HYDIN: variants seen among roughly 807,000 people sequenced by gnomAD.
The protein encoded by HYDIN is HYDIN axonemal central pair apparatus protein, also known as axonemal central pair apparatus protein HYDIN.
In HYDIN, 132 loss-of-function variants were observed where a neutral mutation model predicts 403.9. The ratio of observed to expected loss-of-function variants is 0.33; its 90% confidence interval spans 0.28 to 0.38. HYDIN has a LOEUF of 0.38. Ranked by LOEUF, HYDIN falls within the 10% of genes least tolerant of loss-of-function variation. HYDIN has a pLI of 1.00. For missense variants in HYDIN, 2,827 were observed against 5,009.5 expected (o/e 0.56, Z 13.15); for synonymous variants, 1,202 against 1,891.7 (o/e 0.64, Z 9.46).
chr16:70,883,839 G>A, intron 59 of HYDIN, 81 bp downstream of exon 59: 2 of 1,514,984 alleles, frequency 1.3e-6, no homozygotes, highest in South Asian at 2.4e-5. Context: ...CCAAAGTGCT[G>A]GGATCACAAG....
chr16:70,850,513 T>C lies in HYDIN; in HGVS notation c.12586A>G (p.Lys4196Glu), dbSNP rs374224023. The change falls in exon 74 of 86, where the codon AAG becomes GAG. Residue 4196 changes from lysine to glutamate, a missense_variant. Lys to Glu is a moderately conservative substitution (Grantham distance 56, BLOSUM62 1). Coordinates refer to ENST00000393567, the MANE Select transcript of HYDIN (RefSeq NM_001270974.2). ...GYTMNVEIKCKDRTGSITLLT... is the reference protein window; with the variant it reads ...GYTMNVEIKCEDRTGSITLLT... ...AGAGTGATGGAGCCTGTCCTGTCCTTGCACTTGATCTCCACATTCATAGTG... is the reference window on the plus strand; with the variant it reads ...AGAGTGATGGAGCCTGTCCTGTCCTCGCACTTGATCTCCACATTCATAGTG... 1.5e-4 allele frequency: 247 copies of C among 1,607,562 alleles called. 2 individuals are homozygous for C. In the African/African-American group the frequency reaches 3.0e-3, roughly 20 times the overall value.
intron 6 of HYDIN, among the ~76,000 whole-genome samples, chr16:71,156,965 AT>A (rs2085795601): frequency 6.6e-6 from 1 of 150,586 alleles, no homozygotes; most frequent in African/African-American, 2.5e-5. Context: ...TATTATGCTT[AT>A]TTTATAGCAG....
rs993273554 is a variant in HYDIN at position 71,171,012 on chromosome 16, C to G, written c.516+4595G>C. The stretch of plus-strand genomic sequence containing the variant: ...TTCCATAATAAAAATATTTGAAGTA[C>G]TTTATGGTGGCTTCCTATCCCACTT... On this transcript the variant is annotated intron_variant, in intron 5 of 85. Transcript: ENST00000393567. Among the ~76,000 whole-genome samples, 7 of 152,150 alleles carry G rather than the reference C, an allele frequency of 4.6e-5. 1 individual carries two copies. The highest frequency in any genetic ancestry group is 1.7e-4 in the African/African-American group (7 of 41,428).
In HYDIN at chr16:71,230,686, A is replaced by C. The variant is rs1460166619; in HGVS notation, c.-148T>G. On this transcript the variant is annotated 5_prime_UTR_variant, in exon 1 of 86. The change abolishes an upstream ATG in the 5' untranslated region. Transcript: ENST00000393567. Reference sequence around the variant, plus strand: ...CAGCTTGAAGCCGCCCGCACTCTCCATGCGCCGCCCGAGCTGTTGCCGTCC... The same window carrying C: ...CAGCTTGAAGCCGCCCGCACTCTCCCTGCGCCGCCCGAGCTGTTGCCGTCC... 3 of 1,535,934 alleles carry C rather than the reference A, an allele frequency of 2.0e-6. No homozygotes were observed. Among genetic ancestry groups the C allele is most frequent in the East Asian group, 4.9e-5 (2 of 40,900 alleles).
intron 47 of HYDIN, among the ~76,000 whole-genome samples, chr16:70,909,841 G>C (rs1186513121): frequency 6.6e-6 from 1 of 151,398 alleles, no homozygotes; most frequent in Non-Finnish European, 1.5e-5. Flanking sequence ...GACTACAGGC[G>C]CCTGCCACCA....
intron 18 of HYDIN, among the ~76,000 whole-genome samples, chr16:71,055,993 TCCTCAC>T (rs1450986155): frequency 6.6e-6 from 1 of 152,122 alleles, no homozygotes; most frequent in African/African-American, 2.4e-5. Flanking sequence ...CACTGCTGCA[TCCTCAC>T]CCTTATTTCC....
intron 23 of HYDIN, among the ~76,000 whole-genome samples, chr16:70,997,574 C>T (rs1467115): frequency 2.0e-5 from 3 of 151,944 alleles, no homozygotes; most frequent in Admixed American, 6.6e-5. Flanking sequence ...GGCAGTGAGC[C>T]GTTAACATCT....
In HYDIN at chr16:71,184,972, G is replaced by T. The variant is rs753420772; in HGVS notation, c.154C>A (p.Leu52Met). 2 of 1,607,700 alleles carry T rather than the reference G, an allele frequency of 1.2e-6. No homozygotes were observed. The highest frequency in any genetic ancestry group is 1.7e-6 in the Non-Finnish European group (2 of 1,176,128). The change falls in exon 3 of 86, where the codon CTG becomes ATG. Residue 52 changes from leucine to methionine, a missense_variant. By Grantham distance (15) the Leu-to-Met change is conservative. Coordinates refer to ENST00000393567, the MANE Select transcript of HYDIN (RefSeq NM_001270974.2). ...TCGGTGGTCAGGGACATTTCCTTCA[G>T]GAACTCTGAGGGTGTAAGCTAGAAT... ...VNRMLTPSEF[L>M]KEMSLTTEQR... is the part of the protein sequence containing the mutation.
At chr16:70,909,683 C>T (rs1260566533) in intron 47 of HYDIN, among the ~76,000 whole-genome samples, 1 of 130,476 alleles carries the variant, frequency 7.7e-6, no homozygotes, top group African/African-American at 2.8e-5. Context: ...TTGTCTCAGG[C>T]ATGTCTTTTT....
chr16:70,917,278 T>C (rs1203903916), intron 47 of HYDIN, among the ~76,000 whole-genome samples: 1 of 152,284 alleles, frequency 6.6e-6, no homozygotes, highest in Admixed American at 6.5e-5. Flanking sequence ...TCTTTTCAAT[T>C]TGAAATGTCA....
intron 8 of HYDIN, among the ~76,000 whole-genome samples, chr16:71,134,265 C>T (rs2084825841): frequency 6.6e-6 from 1 of 151,444 alleles, no homozygotes; most frequent in African/African-American, 2.5e-5. Context: ...ATGAATGCCA[C>T]AGGACATGCT....
chr16:70,807,944 C>T lies in HYDIN; in HGVS notation c.15002G>A (p.Gly5001Asp), dbSNP rs747253591. 76 of 1,613,994 alleles carry T rather than the reference C, an allele frequency of 4.7e-5. No homozygotes were observed. Among genetic ancestry groups the T allele is most frequent in the Non-Finnish European group, 6.4e-5 (75 of 1,180,032 alleles). The change falls in exon 86 of 86, where the codon GGC becomes GAC. Residue 5001 changes from glycine to aspartate, a missense_variant. Physicochemically the swap from Gly to Asp is moderately conservative, Grantham distance 94. Transcript: ENST00000393567. ...TGCGAGCGATGATAGGATCAGGATG[C>T]CCTTGGTCTCACCCAGGTGGCTGGG... ...FEPSHLGETK[G>D]ILILSSLAGG...
intron 18 of HYDIN, among the ~76,000 whole-genome samples, chr16:71,059,936 A>G (rs527652308): frequency 6.6e-6 from 1 of 151,968 alleles, no homozygotes; most frequent in East Asian, 1.9e-4. Flanking sequence ...TTTGCTGTTC[A>G]CTTTAATTTC....
chr16:70,927,914 A>G (rs2077201634), intron 45 of HYDIN, among the ~76,000 whole-genome samples: 1 of 152,086 alleles, frequency 6.6e-6, no homozygotes, highest in African/African-American at 2.4e-5. Flanking sequence ...CGGACAAGCA[A>G]AACTTGAGTA....
At chr16:71,162,925 A>T (rs2086064514) in intron 5 of HYDIN, among the ~76,000 whole-genome samples, 195 bp from the exon 6 acceptor site, 1 of 152,258 alleles carries the variant, frequency 6.6e-6, no homozygotes, top group South Asian at 2.1e-4. Context: ...GAGAGAACAG[A>T]TCTAGTGTTA....
chr16:71,220,671 A>G (rs568763146), intron 1 of HYDIN, among the ~76,000 whole-genome samples: 1 of 152,348 alleles, frequency 6.6e-6, no homozygotes, highest in Non-Finnish European at 1.5e-5. Context: ...ATGATTCAAT[A>G]CAAAAATTAT....
chr16:71,002,511 CACCACATT>C (rs2079751818), intron 23 of HYDIN, among the ~76,000 whole-genome samples: 2 of 151,208 alleles, frequency 1.3e-5, no homozygotes, highest in African/African-American at 4.9e-5. Context: ...ATGATCATGT[CACCACATT>C]CCAGCCTGGA....
chr16:71,230,704 T>C lies in HYDIN; in HGVS notation c.-166A>G, dbSNP rs1310908902. 2.0e-6 allele frequency: 3 copies of C among 1,535,996 alleles called. No homozygotes were observed. Among genetic ancestry groups the C allele is most frequent in the Non-Finnish European group, 2.6e-6 (3 of 1,146,848 alleles). ...ACTCTCCATGCGCCGCCCGAGCTGT[T>C]GCCGTCCGTTGCCACGGTAACCACG... On this transcript the variant is annotated 5_prime_UTR_variant, in exon 1 of 86. Coordinates refer to ENST00000393567, the MANE Select transcript of HYDIN (RefSeq NM_001270974.2).
At chr16:70,822,767 A>G (rs1035885397) in intron 83 of HYDIN, among the ~76,000 whole-genome samples, 9 of 152,200 alleles carry the variant, frequency 5.9e-5, no homozygotes, top group African/African-American at 2.2e-4. Flanking sequence ...AAAGATTATG[A>G]CTCACTGAAG....
Sources: allele counts gnomAD v4.1 joint callset (sites outside exome capture counted in the v4.1 genomes callset), GRCh38; gene constraint gnomAD v4.1.1; transcripts MANE v1.5; gene names NCBI Gene and HGNC (gene_info 2026-07-23, HGNC 2026-07-21).